The following PLPP4 variants were observed in gnomAD, a reference collection of about 807,000 sequenced individuals.
PLPP4 encodes phospholipid phosphatase 4.
In PLPP4, 20 loss-of-function variants were observed where a neutral mutation model predicts 32.2. The ratio of observed to expected loss-of-function variants is 0.62; its 90% CI spans 0.44 to 0.90. PLPP4 has a LOEUF of 0.90. Among genes scored for constraint, PLPP4 ranks in the 40% least tolerant of loss-of-function variants. The pLI, the probability that PLPP4 is intolerant of heterozygous loss-of-function variation, is 0.00. For synonymous variants in PLPP4, 127 were observed against 133.0 expected, an observed-to-expected ratio of 0.95 and a Z score of 0.31; for missense variants, 257 against 353.1, an observed-to-expected ratio of 0.73 and a Z score of 2.18.
chr10:120,530,955 C>T (rs74159436), intron 5 of PLPP4, among the ~76,000 whole-genome samples: 6,572 of 152,176 alleles, frequency 0.043, 187 homozygotes, highest in Middle Eastern at 0.14. Context: ...TATCTTACTA[C>T]ATTAATTGGT....
chr10:120,584,705 G>A lies in PLPP4; in HGVS notation c.617-4598G>A, dbSNP rs542033564. Among the ~76,000 whole-genome samples, 3 of 152,292 alleles carry A rather than the reference G, an allele frequency of 2.0e-5. No individual in the cohort carries two copies. In the East Asian group the frequency reaches 5.8e-4, roughly 29 times the overall value. On this transcript the variant is annotated intron_variant, in intron 6 of 6. Coordinates refer to ENST00000398250, the MANE Select transcript of PLPP4 (RefSeq NM_001030059.3). Reference sequence around the variant, plus strand: ...TCAAAATAGCAATAGCCCACTTGAGGCAATTGATGACAAGCTCCTTCATAA... The same window carrying A: ...TCAAAATAGCAATAGCCCACTTGAGACAATTGATGACAAGCTCCTTCATAA...
intron 5 of PLPP4, among the ~76,000 whole-genome samples, chr10:120,527,104 T>C (rs557503375): frequency 7.3e-6 from 1 of 137,540 alleles, no homozygotes; most frequent in South Asian, 2.5e-4. Context: ...ATCTGTCTAT[T>C]TGTCTGTCTA....
chr10:120,471,887 A>G (rs1258515546), intron 1 of PLPP4, among the ~76,000 whole-genome samples: 1 of 151,966 alleles, frequency 6.6e-6, no homozygotes, highest in African/African-American at 2.4e-5. Flanking sequence ...TGTTAGCTAT[A>G]TCTCTTTAAA....
At position 120,571,093 on chromosome 10, in the gene PLPP4, CGTGTGTGTGTGT is replaced by C. The variant is rs60011757; in HGVS notation, c.446-4010_446-3999del. On this transcript the variant is annotated intron_variant, in intron 5 of 6. Coordinates refer to ENST00000398250, the MANE Select transcript of PLPP4 (RefSeq NM_001030059.3). ...TTCCTTCCCATCAGTAGTAAAGGGG[CGTGTGTGTGTGT>C]GTGTGTGTGTGTGTGTGTGTGTGTG... 2.6e-3 allele frequency among the ~76,000 whole-genome samples: 373 copies of C among 144,656 alleles called. 5 individuals are homozygous for C. The highest frequency in any genetic ancestry group is 8.7e-3 in the African/African-American group (335 of 38,728). 94.9% of individuals were successfully genotyped at this position (144,656 alleles called of 152,430 possible). A position where few individuals can be genotyped will look rare whatever the true frequency, so the allele number is the denominator to read the frequency against.
Position 120,461,555 on chromosome 10 carries a change from G to A in PLPP4, c.56+4194G>A, listed in dbSNP as rs75045166. 2.6e-3 allele frequency among the ~76,000 whole-genome samples: 394 copies of A among 152,262 alleles called. 1 individual carries two copies. Among genetic ancestry groups the A allele is most frequent in the Non-Finnish European group, 4.4e-3 (301 of 68,010 alleles). On this transcript the variant is annotated intron_variant, in intron 1 of 6. Coordinates refer to ENST00000398250, the MANE Select transcript of PLPP4 (RefSeq NM_001030059.3). ...CCTAGGAGCTGCTTAGGATGCCAGG[G>A]TGCACAGGTAATGGTGTTTACCTCC...
chr10:120,576,640 T>C (rs574151181), intron 6 of PLPP4, among the ~76,000 whole-genome samples: 8 of 152,162 alleles, frequency 5.3e-5, no homozygotes, highest in Non-Finnish European at 1.0e-4. Context: ...GGGAAAGAGA[T>C]GCTGACATGG....
chr10:120,543,963 GA>G (rs1477377795), intron 5 of PLPP4, among the ~76,000 whole-genome samples: 1 of 152,148 alleles, frequency 6.6e-6, no homozygotes, highest in Non-Finnish European at 1.5e-5. Flanking sequence ...TTTTAAGACT[GA>G]ATATTATTCC....
At chr10:120,495,812 C>A (rs1299592160) in intron 1 of PLPP4, among the ~76,000 whole-genome samples, 1 of 152,136 alleles carries the variant, frequency 6.6e-6, no homozygotes, top group Admixed American at 6.5e-5. Flanking sequence ...CTTCTCAGAC[C>A]CAGCATATTC....
intron 5 of PLPP4, among the ~76,000 whole-genome samples, chr10:120,537,992 TTCTC>T (rs1158226991): frequency 0.024 from 445 of 18,864 alleles, 24 homozygotes; most frequent in East Asian, 0.064. Flanking sequence ...ACCAGGCCCT[TTCTC>T]TCTCTCTCTC....
chr10:120,556,095 T>C (rs1455581303), intron 5 of PLPP4, among the ~76,000 whole-genome samples: 1 of 152,252 alleles, frequency 6.6e-6, no homozygotes, highest in Non-Finnish European at 1.5e-5. Flanking sequence ...TCAAAAGCTT[T>C]GGTCTTTACC....
chr10:120,487,546 C>T (rs187322341), intron 1 of PLPP4, among the ~76,000 whole-genome samples: 61 of 152,296 alleles, frequency 4.0e-4, no homozygotes, highest in African/African-American at 1.4e-3. Context: ...TATTAGCTTC[C>T]TTTTATCAAT....
chr10:120,546,606 C>T lies in PLPP4; in HGVS notation c.445+25511C>T, dbSNP rs142248100. ...CAAACCAGTCAGTCCCAAGTCCTCA[C>T]AGTCCTTGCCCTGGTCTGTGGCTCC... On this transcript the variant is annotated intron_variant, in intron 5 of 6. Coordinates refer to ENST00000398250, the MANE Select transcript of PLPP4 (RefSeq NM_001030059.3). Among the ~76,000 whole-genome samples the T allele has an allele frequency of 2.7e-3, 408 of 152,322 alleles. 2 individuals are homozygous for T. The highest frequency in any genetic ancestry group is 4.9e-3 in the Non-Finnish European group (331 of 68,032).
At chr10:120,511,203 G>T (rs775992754) in intron 2 of PLPP4, among the ~76,000 whole-genome samples, 2 of 152,184 alleles carry the variant, frequency 1.3e-5, no homozygotes, top group African/African-American at 4.8e-5. Flanking sequence ...GAGGCAGGGC[G>T]CAGTTCTAAA....
chr10:120,585,669 G>A (rs143522042), intron 6 of PLPP4, among the ~76,000 whole-genome samples: 111 of 152,336 alleles, frequency 7.3e-4, no homozygotes, highest in Admixed American at 1.2e-3. Flanking sequence ...AAAGCAACTT[G>A]CCCTGGTAGG....
chr10:120,510,623 G>T (rs1273798697), intron 2 of PLPP4, among the ~76,000 whole-genome samples: 1 of 152,136 alleles, frequency 6.6e-6, no homozygotes, highest in African/African-American at 2.4e-5. Flanking sequence ...AGTCTGCTTT[G>T]CTGAGTGAAA....
At chr10:120,534,013 G>A (rs936789981) in intron 5 of PLPP4, among the ~76,000 whole-genome samples, 2 of 152,122 alleles carry the variant, frequency 1.3e-5, no homozygotes, top group Non-Finnish European at 2.9e-5. Context: ...GAAGAAAGAT[G>A]CATTTATACT....
Position 120,536,671 on chromosome 10 carries a change from C to CA in PLPP4, c.445+15589dup, listed in dbSNP as rs35552215. Among the ~76,000 whole-genome samples, 26 of 124,726 alleles carry CA rather than the reference C, an allele frequency of 2.1e-4. 1 individual carries two copies. Among genetic ancestry groups the CA allele is most frequent in the South Asian group, 5.5e-4 (2 of 3,606 alleles). 81.8% of individuals were successfully genotyped at this position (124,726 alleles called of 152,430 possible). A position where few individuals can be genotyped will look rare whatever the true frequency, so the allele number is the denominator to read the frequency against. ...TAGCATATGATACCTAAAGCACAGG[C>CA]AAAAAAAAAAAAAGGCAAAAATAAA... On this transcript the variant is annotated intron_variant, in intron 5 of 6. Coordinates refer to ENST00000398250, the MANE Select transcript of PLPP4 (RefSeq NM_001030059.3).
At chr10:120,469,388 C>T (rs1296264007) in intron 1 of PLPP4, among the ~76,000 whole-genome samples, 5 of 152,100 alleles carry the variant, frequency 3.3e-5, no homozygotes, top group South Asian at 2.1e-4. Context: ...CCACCATGCC[C>T]GGCTAATTTT....
At chr10:120,549,036 A>T (rs1004884413) in intron 5 of PLPP4, among the ~76,000 whole-genome samples, 2 of 151,808 alleles carry the variant, frequency 1.3e-5, no homozygotes, top group Admixed American at 6.6e-5. Flanking sequence ...TTTTAGATAA[A>T]GTACTTCTGA....
Sources: gnomAD v4.1 joint callset for allele counts (sites outside exome capture counted in the v4.1 genomes callset) on GRCh38, gnomAD v4.1.1 for gene constraint, MANE v1.5 for transcripts, NCBI Gene and HGNC (gene_info 2026-07-23, HGNC 2026-07-21) for gene names.